Variants in MAD1L1 observed in about 807,000 individuals in gnomAD.
MAD1L1 encodes mitotic spindle assembly checkpoint protein MAD1.
Under a neutral mutation model 96.9 loss-of-function variants are expected in MAD1L1, and 95 were observed. The observed-to-expected ratio is 0.98, with a 90% confidence interval of 0.83 to 1.16. MAD1L1 has a LOEUF of 1.16. Among genes scored for constraint, MAD1L1 ranks in the 50% most tolerant of loss-of-function variants. MAD1L1 has a pLI of 0.00. For missense variants in MAD1L1, 1,007 were observed against 954.4 expected, an observed-to-expected ratio of 1.06 and a Z score of -0.73; for synonymous variants, 473 against 396.6, an observed-to-expected ratio of 1.19 and a Z score of -2.29.
chr7:1,845,207 A>G (rs1190658812), intron 18 of MAD1L1: 3 of 152,288 alleles, frequency 2.0e-5, no homozygotes, highest in African/African-American at 7.2e-5. Context: ...GAGACGCATG[A>G]TTCCTATCTT....
At chr7:1,893,706 G>A (rs2128439431) in intron 18 of MAD1L1, among the ~76,000 whole-genome samples, 1 of 152,278 alleles carries the variant, frequency 6.6e-6, no homozygotes, top group East Asian at 1.9e-4. Flanking sequence ...CAGGGTCAGG[G>A]CCCCCAGGGA....
At chr7:1,949,732 T>C (rs1024262636) in intron 16 of MAD1L1, among the ~76,000 whole-genome samples, 6 of 152,210 alleles carry the variant, frequency 3.9e-5, no homozygotes, top group African/African-American at 1.4e-4. Context: ...CATCGGTCCC[T>C]TGGACGCAGT....
At chr7:1,933,774 GAT>G (rs1562536588) in intron 17 of MAD1L1, among the ~76,000 whole-genome samples, 1 of 152,220 alleles carries the variant, frequency 6.6e-6, no homozygotes. Context: ...AGGGCACACA[GAT>G]GGACAGATGG....
At chr7:2,044,586 C>T (rs984736481) in intron 12 of MAD1L1, among the ~76,000 whole-genome samples, 2 of 152,148 alleles carry the variant, frequency 1.3e-5, no homozygotes, top group Non-Finnish European at 2.9e-5. Context: ...CACGGGGGTG[C>T]GGCCGGGAGG....
intron 10 of MAD1L1, among the ~76,000 whole-genome samples, chr7:2,187,210 A>G (rs1363896343): frequency 6.6e-6 from 1 of 151,800 alleles, no homozygotes; most frequent in Non-Finnish European, 1.5e-5. Flanking sequence ...TTAGCCAGGC[A>G]TGGTGGCGTA....
intron 18 of MAD1L1, among the ~76,000 whole-genome samples, chr7:1,842,248 C>T (rs1783305268): frequency 2.0e-5 from 3 of 152,212 alleles, no homozygotes; most frequent in African/African-American, 7.2e-5. Context: ...CCAGAGGAAG[C>T]GGCGACAGAT....
intron 18 of MAD1L1, among the ~76,000 whole-genome samples, chr7:1,866,127 AGGGCT>A (rs1784767950): frequency 6.6e-6 from 1 of 152,214 alleles, no homozygotes. Flanking sequence ...GATGCTCAGC[AGGGCT>A]GGTTGGTGGG....
At chr7:2,100,902 C>A (rs1284778066) in intron 11 of MAD1L1, among the ~76,000 whole-genome samples, 1 of 152,256 alleles carries the variant, frequency 6.6e-6, no homozygotes, top group Non-Finnish European at 1.5e-5. Context: ...CAGTGCCCCC[C>A]ACCTCCACTC....
chr7:2,217,932 T>C, intron 7 of MAD1L1, 30 bp downstream of exon 7: 1 of 1,582,502 alleles, frequency 6.3e-7, no homozygotes, highest in Non-Finnish European at 8.7e-7. Flanking sequence ...CACAGGGATG[T>C]CCACAAGGCA....
chr7:2,120,613 T>G (rs1322557886), intron 11 of MAD1L1, among the ~76,000 whole-genome samples: 1 of 152,236 alleles, frequency 6.6e-6, no homozygotes, highest in Non-Finnish European at 1.5e-5. Flanking sequence ...AGAGGCTTCC[T>G]CAGAGCCAGG....
intron 11 of MAD1L1, among the ~76,000 whole-genome samples, chr7:2,109,791 A>G (rs1787283410): frequency 6.6e-6 from 1 of 152,240 alleles, no homozygotes; most frequent in African/African-American, 2.4e-5. Flanking sequence ...TACAAGTGCT[A>G]TTTTGGACAA....
At chr7:2,170,977 A>G (rs1264867668) in intron 10 of MAD1L1, among the ~76,000 whole-genome samples, 2 of 152,226 alleles carry the variant, frequency 1.3e-5, no homozygotes, top group Admixed American at 1.3e-4. Flanking sequence ...GATCAAACGC[A>G]AAACAACTTC....
chr7:1,948,437 G>A (rs143626953), intron 16 of MAD1L1, among the ~76,000 whole-genome samples: 34 of 152,298 alleles, frequency 2.2e-4, no homozygotes, highest in Non-Finnish European at 4.6e-4. Flanking sequence ...AGCAGGACAC[G>A]CCCTGTGAGC....
chr7:1,948,701 G>A (rs1475959162), intron 16 of MAD1L1, among the ~76,000 whole-genome samples: 16 of 152,198 alleles, frequency 1.1e-4, no homozygotes, highest in Admixed American at 1.0e-3. Context: ...GCGGCCTGCC[G>A]TGGCCAGGGA....
chr7:2,141,094 G>A (rs1371945078), intron 11 of MAD1L1, among the ~76,000 whole-genome samples: 17 of 152,192 alleles, frequency 1.1e-4, no homozygotes, highest in Admixed American at 5.9e-4. Flanking sequence ...AGAGCCCAGC[G>A]GCAGCGGACG....
At chr7:1,890,995 G>A (rs1482188761) in intron 18 of MAD1L1, among the ~76,000 whole-genome samples, 1 of 152,122 alleles carries the variant, frequency 6.6e-6, no homozygotes, top group South Asian at 2.1e-4. Context: ...GACCTCGGCG[G>A]GATCAGACAG....
At chr7:2,172,244 T>C (rs1790741268) in intron 10 of MAD1L1, among the ~76,000 whole-genome samples, 1 of 152,106 alleles carries the variant, frequency 6.6e-6, no homozygotes, top group Non-Finnish European at 1.5e-5. Flanking sequence ...TTCACAGCCT[T>C]GCGAGACACC....
At chr7:1,841,309 C>T (rs1024429075) in intron 18 of MAD1L1, among the ~76,000 whole-genome samples, 4 of 152,240 alleles carry the variant, frequency 2.6e-5, no homozygotes, top group Non-Finnish European at 5.9e-5. Flanking sequence ...CGCGTCTCGC[C>T]CGGCTGCATC....
intron 2 of MAD1L1, 27 bp from the exon 3 acceptor site, chr7:2,230,170 C>A: frequency 6.4e-7 from 1 of 1,558,384 alleles, no homozygotes; most frequent in South Asian, 1.2e-5. Flanking sequence ...AAGGACTGGT[C>A]AGGGGCAGCC....
Sources: gnomAD v4.1 joint callset for allele counts (sites outside exome capture counted in the v4.1 genomes callset) on GRCh38, gnomAD v4.1.1 for gene constraint, MANE v1.5 for transcripts, NCBI Gene and HGNC (gene_info 2026-07-23, HGNC 2026-07-21) for gene names.